The following MDGA2 variants were observed in gnomAD, a reference collection of about 807,000 sequenced individuals.
MDGA2 encodes the protein MAM domain containing glycosylphosphatidylinositol anchor 2, also known as MAM domain-containing glycosylphosphatidylinositol anchor protein 2.
In MDGA2, 40 loss-of-function variants were observed where a neutral mutation model predicts 117.8. That is an observed-to-expected ratio of 0.34 (90% CI 0.26 to 0.44). The LOEUF is 0.44. MDGA2 is among the 20% of genes least tolerant of loss of function. The probability of loss-of-function intolerance (pLI) is 1.00; values close to 1 mark genes in which losing one functional copy is unlikely to be tolerated. For synonymous variants in MDGA2, 452 were observed against 439.0 expected (o/e 1.03, Z -0.37); for missense variants, 1,123 against 1,250.6 (o/e 0.90, Z 1.54).
At chr14:47,301,996 C>T (rs535066575) in intron 1 of MDGA2, among the ~76,000 whole-genome samples, 103 of 152,152 alleles carry the variant, frequency 6.8e-4, no homozygotes, top group Middle Eastern at 3.4e-3. Flanking sequence ...TCATGTAGCG[C>T]GCAAGTTAAT....
At chr14:47,035,385 C>G in intron 7 of MDGA2, 81 bp from the exon 8 acceptor site, 1 of 1,140,524 alleles carries the variant, frequency 8.8e-7, no homozygotes, top group South Asian at 1.5e-5. Flanking sequence ...CATAAGGAAA[C>G]AATTTCTGCT....
intron 9 of MDGA2, among the ~76,000 whole-genome samples, chr14:46,946,432 AAATG>A (rs1381038250): frequency 6.6e-6 from 1 of 152,130 alleles, no homozygotes; most frequent in African/African-American, 2.4e-5. Flanking sequence ...CTGTACTTTG[AAATG>A]AATGAATGCA....
At chr14:47,625,591 A>C (rs149471837) in intron 1 of MDGA2, among the ~76,000 whole-genome samples, 51 of 152,322 alleles carry the variant, frequency 3.3e-4, no homozygotes, top group African/African-American at 1.1e-3. Context: ...TAGACATATA[A>C]AGATTCACAT....
chr14:47,328,289 A>C (rs1320694618), intron 1 of MDGA2, among the ~76,000 whole-genome samples: 1 of 152,154 alleles, frequency 6.6e-6, no homozygotes, highest in Non-Finnish European at 1.5e-5. Flanking sequence ...GATTTTCTCC[A>C]CACAGTATTT....
chr14:46,907,116 A>G (rs1343693595), intron 10 of MDGA2, among the ~76,000 whole-genome samples: 2 of 151,568 alleles, frequency 1.3e-5, no homozygotes, highest in African/African-American at 2.4e-5. Context: ...AGCTGGGATT[A>G]CAGGCTCATG....
chr14:47,156,897 C>T (rs751893261), intron 3 of MDGA2, among the ~76,000 whole-genome samples: 16 of 152,140 alleles, frequency 1.1e-4, no homozygotes, highest in Non-Finnish European at 2.1e-4. Context: ...ACTAATACAA[C>T]TATATATGAA....
At chr14:47,017,227 T>A (rs73241250) in intron 8 of MDGA2, among the ~76,000 whole-genome samples, 4,895 of 149,788 alleles carry the variant, frequency 0.033, 112 homozygotes, top group African/African-American at 0.06. Flanking sequence ...ATTTTAGATC[T>A]AGAAAGGGAA....
intron 1 of MDGA2, among the ~76,000 whole-genome samples, chr14:47,599,334 T>G (rs1896604253): frequency 6.6e-6 from 1 of 152,068 alleles, no homozygotes; most frequent in Non-Finnish European, 1.5e-5. Context: ...TGCATTTTAT[T>G]CAAATGGCAT....
rs11364481 is a variant in MDGA2, at chr14:47,366,358, G to GA, written c.281-64809dup. ...ACATCTGGCTCTGATGTATTAGTCT[G>GA]AAAAAAAAAAATACAAGGAAAAGGG... On this transcript the variant is annotated intron_variant, in intron 1 of 16. Transcript: ENST00000399232. Among the ~76,000 whole-genome samples, 339 of 147,044 alleles carry GA rather than the reference G, an allele frequency of 2.3e-3. 1 individual carries two copies. The highest frequency in any genetic ancestry group is 5.9e-3 in the African/African-American group (237 of 40,384).
intron 1 of MDGA2, among the ~76,000 whole-genome samples, chr14:47,601,319 T>C (rs545470819): frequency 6.6e-6 from 1 of 152,234 alleles, no homozygotes; most frequent in South Asian, 2.1e-4. Flanking sequence ...AGGACTCCTT[T>C]GAGGTGACAG....
intron 2 of MDGA2, among the ~76,000 whole-genome samples, chr14:47,297,398 G>A (rs1483247551): frequency 6.9e-6 from 1 of 144,718 alleles, no homozygotes; most frequent in Non-Finnish European, 1.5e-5. Flanking sequence ...AGAGAAAGAA[G>A]AAAGAGGAAG....
chr14:47,433,211 G>T (rs528736854), intron 1 of MDGA2, among the ~76,000 whole-genome samples: 7 of 152,028 alleles, frequency 4.6e-5, no homozygotes, highest in Non-Finnish European at 1.5e-5. Flanking sequence ...TTTATTAAAA[G>T]CATTTTAATA....
chr14:47,035,334 G>T, intron 7 of MDGA2, 30 bp from the exon 8 acceptor site: 1 of 1,575,518 alleles, frequency 6.3e-7, no homozygotes, highest in African/African-American at 1.4e-5. Context: ...AATTTTTCAA[G>T]GTTAGTATAA....
intron 3 of MDGA2, among the ~76,000 whole-genome samples, chr14:47,180,712 A>G (rs7142861): frequency 0.82 from 124,772 of 152,026 alleles, 51,366 homozygotes; most frequent in African/African-American, 0.87. Context: ...CATGAGGTCA[A>G]GAATTCGAGA....
intron 2 of MDGA2, among the ~76,000 whole-genome samples, chr14:47,287,718 G>T (rs994035246): frequency 1.3e-5 from 2 of 152,090 alleles, no homozygotes; most frequent in South Asian, 4.1e-4. Context: ...TGCCCCTAAA[G>T]CATACACTGA....
At chr14:46,941,882 CAAGCTGTAAG>C (rs1461822501) in intron 9 of MDGA2, among the ~76,000 whole-genome samples, 1 of 152,104 alleles carries the variant, frequency 6.6e-6, no homozygotes, top group Non-Finnish European at 1.5e-5. Flanking sequence ...GTAATGTGAG[CAAGCTGTAAG>C]ACACAGTTTT....
At chr14:47,441,964 C>T (rs1167644051) in intron 1 of MDGA2, among the ~76,000 whole-genome samples, 1 of 152,018 alleles carries the variant, frequency 6.6e-6, no homozygotes, top group Non-Finnish European at 1.5e-5. Flanking sequence ...AATAGATAAC[C>T]CAGTCAAGTA....
intron 1 of MDGA2, among the ~76,000 whole-genome samples, chr14:47,530,229 C>T (rs1376608467): frequency 6.6e-6 from 1 of 151,934 alleles, no homozygotes; most frequent in African/African-American, 2.4e-5. Flanking sequence ...GCTATAAATG[C>T]CCTCATCTTG....
intron 1 of MDGA2, among the ~76,000 whole-genome samples, chr14:47,336,484 C>G (rs1890461113): frequency 6.6e-6 from 1 of 151,854 alleles, no homozygotes; most frequent in African/African-American, 2.4e-5. Context: ...TTGAAGTTGG[C>G]ATTATTTTTC....
Sources: allele counts gnomAD v4.1 joint callset (sites outside exome capture counted in the v4.1 genomes callset), GRCh38; gene constraint gnomAD v4.1.1; transcripts MANE v1.5; gene names NCBI Gene and HGNC (gene_info 2026-07-23, HGNC 2026-07-21).